Variants in ANKRD46 observed in about 807,000 individuals in gnomAD.
ANKRD46 encodes ankyrin repeat domain 46.
ANKRD46 carries 13 observed loss-of-function variants against 19.8 expected under a neutral mutation model. The ratio of observed to expected loss-of-function variants is 0.66; its 90% CI spans 0.43 to 1.04. ANKRD46 has a LOEUF of 1.04. Among genes scored for constraint, ANKRD46 ranks in the 50% least tolerant of loss-of-function variants. ANKRD46 has a pLI of 0.00. For synonymous variants in ANKRD46, 91 were observed against 106.9 expected (o/e 0.85, Z 0.92); for missense variants, 185 against 274.8 (o/e 0.67, Z 2.31).
Position 100,532,283 on chromosome 8 carries a change from A to G in ANKRD46, c.-28+926T>C, listed in dbSNP as rs1016264932. 7.2e-5 allele frequency: 11 copies of G among 152,212 alleles called. No individual in the cohort carries two copies. The highest frequency in any genetic ancestry group is 2.7e-4 in the African/African-American group (11 of 41,426). The allele number at this position is 152,212 out of a possible 1,614,324, so 9.4% of individuals were successfully genotyped here. A position where few individuals can be genotyped will look rare whatever the true frequency, so the allele number is the denominator to read the frequency against. ...GGAGTTCGAAACTAGCCTGGGCAACATAGCGAGAGACCCTGTCTCTATAAA... is the reference window on the plus strand; with the variant it reads ...GGAGTTCGAAACTAGCCTGGGCAACGTAGCGAGAGACCCTGTCTCTATAAA... On this transcript the variant is annotated intron_variant, in intron 2 of 4. Transcript: ENST00000335659. The surrounding 1 kb of genome is among the most constrained non-coding windows in gnomAD (Gnocchi z 4.7).
rs1563489400 is a variant in ANKRD46 at position 100,543,560 on chromosome 8, T to C, written c.-130-10249A>G. Among the ~76,000 whole-genome samples, 1 of 152,202 alleles carries C rather than the reference T, an allele frequency of 6.6e-6. No homozygotes were observed. On this transcript the variant is annotated intron_variant, in intron 1 of 4. Coordinates refer to ENST00000335659, the MANE Select transcript of ANKRD46 (RefSeq NM_001270377.2). This position sits in a 1 kb window ranked among gnomAD's most constrained non-coding sequence, Gnocchi z 4.2. ...AAAGATAATTATGATTTAAAAATTA[T>C]TCTTTAAAATGCTGTCAGAAGATAA...
At chr8:100,513,219 C>A (rs144528239) in intron 5 of ANKRD46, among the ~76,000 whole-genome samples, 8 of 152,280 alleles carry the variant, frequency 5.3e-5, no homozygotes, top group African/African-American at 1.9e-4. Context: ...AGATGTGGGT[C>A]TTCCTTCAAA....
At chr8:100,539,299 T>C (rs183409847) in intron 1 of ANKRD46, among the ~76,000 whole-genome samples, 30 of 152,330 alleles carry the variant, frequency 2.0e-4, no homozygotes, top group Non-Finnish European at 3.7e-4. Context: ...TAAATAAAGA[T>C]AAAATATGTG....
downstream of ANKRD46, among the ~76,000 whole-genome samples, chr8:100,516,706 GATCA>G (rs1354654285): frequency 1.3e-5 from 2 of 152,328 alleles, no homozygotes; most frequent in Non-Finnish European, 1.5e-5. Flanking sequence ...AATTCTACCT[GATCA>G]ATTACGCAAC....
rs997622630 is a variant in ANKRD46, at chr8:100,525,272, CATA to C, written c.471-2504_471-2502del. ...ATTTATTGAGACATAATTCACATCCCATAATATTTACCTTTTGAAACTGTACAA... is the reference window on the plus strand; with the variant it reads ...ATTTATTGAGACATAATTCACATCCCATATTTACCTTTTGAAACTGTACAA... On this transcript the variant is annotated intron_variant, in intron 4 of 4. Transcript: ENST00000335659. The surrounding 1 kb of genome is among the most constrained non-coding windows in gnomAD (Gnocchi z 4.4). Among the ~76,000 whole-genome samples the C allele has an allele frequency of 6.6e-6, 1 of 152,168 alleles. No homozygotes were observed. Among genetic ancestry groups the C allele is most frequent in the African/African-American group, 2.4e-5 (1 of 41,426 alleles).
chr8:100,514,009 T>C (rs145837381), intron 5 of ANKRD46, among the ~76,000 whole-genome samples: 3 of 152,324 alleles, frequency 2.0e-5, no homozygotes, highest in African/African-American at 7.2e-5. Flanking sequence ...AATTTAGAAA[T>C]TAATCCCCAA....
At chr8:100,515,119 C>T (rs1482218967) in intron 5 of ANKRD46, among the ~76,000 whole-genome samples, 1 of 151,850 alleles carries the variant, frequency 6.6e-6, no homozygotes, top group Non-Finnish European at 1.5e-5. Context: ...TTTTAAATGC[C>T]ATCAAAAAAG....
chr8:100,515,266 C>G (rs1322445522), intron 5 of ANKRD46, among the ~76,000 whole-genome samples: 2 of 152,110 alleles, frequency 1.3e-5, no homozygotes, highest in Admixed American at 1.3e-4. Context: ...CTGTGACTAG[C>G]CAGTACAAAA....
At chr8:100,542,725 T>G (rs1220909598) in intron 1 of ANKRD46, among the ~76,000 whole-genome samples, 6 of 152,036 alleles carry the variant, frequency 3.9e-5, no homozygotes. Context: ...GCCTAGTTCA[T>G]GAGGATAGAA....
rs1223393246 is a variant in ANKRD46, at chr8:100,550,582, GCT to G, written c.-131+9127_-131+9128del. 5.5e-6 allele frequency: 1 copy of G among 181,180 alleles called. No homozygotes were observed. The highest frequency in any genetic ancestry group is 1.1e-5 in the Non-Finnish European group (1 of 89,394). The allele number at this position is 181,180 out of a possible 1,614,324, so 11.2% of individuals were successfully genotyped here. On this transcript the variant is annotated intron_variant, in intron 1 of 4. Transcript: ENST00000335659. This position sits in a 1 kb window ranked among gnomAD's most constrained non-coding sequence, Gnocchi z 4.4. The stretch of plus-strand genomic sequence containing the variant: ...TATTGATGGTACACGACAAGATAGA[GCT>G]CTTTGTGGGGTCTGCATGGAAACTG...
At position 100,524,641 on chromosome 8, in the gene ANKRD46, TAA is replaced by T. The variant is rs1023821600; in HGVS notation, c.471-1872_471-1871del. Among the ~76,000 whole-genome samples, 1 of 152,176 alleles carries T rather than the reference TAA, an allele frequency of 6.6e-6. No homozygotes were observed. Among genetic ancestry groups the T allele is most frequent in the Non-Finnish European group, 1.5e-5 (1 of 68,022 alleles). On this transcript the variant is annotated intron_variant, in intron 4 of 4. Coordinates refer to ENST00000335659, the MANE Select transcript of ANKRD46 (RefSeq NM_001270377.2). The surrounding 1 kb of genome is among the most constrained non-coding windows in gnomAD (Gnocchi z 4.3). The stretch of plus-strand genomic sequence containing the variant: ...ATAAGATTAGAACTTTGAGAAGGCC[TAA>T]AAGAGTAAAACCACAAATAGATAAC...
Position 100,545,636 on chromosome 8 carries a change from TA to T in ANKRD46, c.-130-12326del, listed in dbSNP as rs1029326302. 6.6e-6 allele frequency among the ~76,000 whole-genome samples: 1 copy of T among 152,118 alleles called. No homozygotes were observed. Among genetic ancestry groups the T allele is most frequent in the Non-Finnish European group, 1.5e-5 (1 of 68,012 alleles). ...TAGTACCAGGAGTAGGGCACTGCTA[TA>T]AAAATAACCTGAAAAAATGGAAGTG... On this transcript the variant is annotated intron_variant, in intron 1 of 4. Coordinates refer to ENST00000335659, the MANE Select transcript of ANKRD46 (RefSeq NM_001270377.2). The surrounding 1 kb of genome is among the most constrained non-coding windows in gnomAD (Gnocchi z 4.7).
intron 1 of ANKRD46, chr8:100,551,612 T>C (rs1159909853): frequency 3.5e-5 from 26 of 741,048 alleles, no homozygotes; most frequent in Admixed American, 2.0e-4. Context: ...TGAAGGGTCA[T>C]TGATGGTGAC....
chr8:100,537,206 C>T lies in ANKRD46; in HGVS notation c.-130-3895G>A, dbSNP rs148141173. ...CTTATAACTAAAAATTGTTCTATAT[C>T]CAATATCAACAAGAATACATAATAG... is the stretch of plus-strand genomic sequence containing the variant. On this transcript the variant is annotated intron_variant, in intron 1 of 4. Transcript: ENST00000335659. This position sits in a 1 kb window ranked among gnomAD's most constrained non-coding sequence, Gnocchi z 4.2. 6.6e-6 allele frequency among the ~76,000 whole-genome samples: 1 copy of T among 152,040 alleles called. No homozygotes were observed. Among genetic ancestry groups the T allele is most frequent in the African/African-American group, 2.4e-5 (1 of 41,376 alleles).
chr8:100,555,574 A>G (rs919507190), intron 1 of ANKRD46, among the ~76,000 whole-genome samples: 2 of 151,428 alleles, frequency 1.3e-5, no homozygotes, highest in Non-Finnish European at 2.9e-5. Context: ...GAAGGGCCTA[A>G]CTTAAGAAGC....
In ANKRD46 at chr8:100,510,682, C is replaced by T. The variant is rs1431455817; in HGVS notation, c.637-43G>A. Reference sequence around the variant, plus strand: ...ACAGATTAAAAAAAAAAAAAAATCCCAGTTCTGTTAAGCTGCAGAGATGTG... The same window carrying T: ...ACAGATTAAAAAAAAAAAAAAATCCTAGTTCTGTTAAGCTGCAGAGATGTG... On this transcript the variant is annotated intron_variant, in intron 5 of 5. Coordinates refer to the ANKRD46 transcript ENST00000520552. The surrounding 1 kb of genome is among the most constrained non-coding windows in gnomAD (Gnocchi z 4.9). 5.2e-6 allele frequency: 7 copies of T among 1,336,354 alleles called. No individual in the cohort carries two copies. Among genetic ancestry groups the T allele is most frequent in the Non-Finnish European group, 7.2e-6 (7 of 970,524 alleles). 82.8% of individuals were successfully genotyped at this position (1,336,354 alleles called of 1,614,324 possible). A position where few individuals can be genotyped will look rare whatever the true frequency, so the allele number is the denominator to read the frequency against.
chr8:100,542,831 C>T (rs1001834364), intron 1 of ANKRD46, among the ~76,000 whole-genome samples: 5 of 151,942 alleles, frequency 3.3e-5, no homozygotes, highest in Non-Finnish European at 7.4e-5. Flanking sequence ...TGGAAGACAC[C>T]GATATTCTAA....
chr8:100,516,126 C>A (rs1235782538), downstream of ANKRD46, among the ~76,000 whole-genome samples: 7 of 152,194 alleles, frequency 4.6e-5, no homozygotes, highest in Non-Finnish European at 1.0e-4. Flanking sequence ...CCCGCCTCGG[C>A]CTCCCAAAAT....
Position 100,510,713 on chromosome 8 carries a change from A to C in ANKRD46, c.637-74T>G. On this transcript the variant is annotated intron_variant, in intron 5 of 5. Transcript: ENST00000520552. The surrounding 1 kb of genome is among the most constrained non-coding windows in gnomAD (Gnocchi z 4.9). ...TGTTAAGCTGCAGAGATGTGCCAGG[A>C]CCAGATACAATCATAAATATATAGA... is the stretch of plus-strand genomic sequence containing the variant. 1 of 1,308,654 alleles carries C rather than the reference A, an allele frequency of 7.6e-7. No homozygotes were observed. Among genetic ancestry groups the C allele is most frequent in the Non-Finnish European group, 1.0e-6 (1 of 957,952 alleles). The allele number at this position is 1,308,654 out of a possible 1,614,324, so 81.1% of individuals were successfully genotyped here. A position where few individuals can be genotyped will look rare whatever the true frequency, so the allele number is the denominator to read the frequency against.
Sources: gnomAD v4.1 joint callset for allele counts (sites outside exome capture counted in the v4.1 genomes callset) on GRCh38, gnomAD v4.1.1 for gene constraint, Gnocchi (gnomAD v3.1) non-coding constraint, MANE v1.5 for transcripts, NCBI Gene and HGNC (gene_info 2026-07-23, HGNC 2026-07-21) for gene names.